Variants in KIAA0825 observed in about 807,000 individuals in gnomAD.
KIAA0825 encodes the protein KIAA0825.
In KIAA0825, 119 loss-of-function variants were observed where a neutral mutation model predicts 147.6. That is an observed-to-expected ratio of 0.81 (90% CI 0.69 to 0.94). The LOEUF is 0.94. Among genes scored for constraint, KIAA0825 ranks in the 40% least tolerant of loss-of-function variants. KIAA0825 has a pLI of 0.00. For synonymous variants in KIAA0825, 470 were observed against 518.1 expected (o/e 0.91, Z 1.26); for missense variants, 1,381 against 1,472.7 (o/e 0.94, Z 1.02).
intron 1 of KIAA0825, among the ~76,000 whole-genome samples, chr5:94,588,103 C>T (rs1166661320): frequency 2.6e-5 from 4 of 151,902 alleles, no homozygotes; most frequent in African/African-American, 7.2e-5. Flanking sequence ...GAAGAAAGCC[C>T]GGCAATACCA....
chr5:94,382,055 G>A (rs1000272007), intron 20 of KIAA0825, among the ~76,000 whole-genome samples: 8 of 152,028 alleles, frequency 5.3e-5, no homozygotes, highest in Non-Finnish European at 1.2e-4. Flanking sequence ...ATGTAGTATA[G>A]AGATAGACTA....
chr5:94,576,637 T>C (rs928005796), intron 2 of KIAA0825, among the ~76,000 whole-genome samples: 6 of 152,202 alleles, frequency 3.9e-5, no homozygotes, highest in Non-Finnish European at 4.4e-5. Flanking sequence ...ATTCCTTTTC[T>C]TTATAAATTG....
chr5:94,224,077 C>CTTTTTTTTTTT (rs1773920941), intron 20 of KIAA0825, among the ~76,000 whole-genome samples: 1 of 69,686 alleles, frequency 1.4e-5, no homozygotes, highest in African/African-American at 5.0e-5. Flanking sequence ...CTTTCTTTTT[C>CTTTTTTTTTTT]TTTTCTTTTT....
intron 20 of KIAA0825, among the ~76,000 whole-genome samples, chr5:94,283,852 G>C (rs763909296): frequency 6.6e-6 from 1 of 152,004 alleles, no homozygotes; most frequent in Non-Finnish European, 1.5e-5. Flanking sequence ...ACCTAAACGC[G>C]ATTACTGAAT....
intron 20 of KIAA0825, among the ~76,000 whole-genome samples, chr5:94,335,785 C>G (rs928402259): frequency 6.6e-6 from 1 of 152,140 alleles, no homozygotes; most frequent in South Asian, 2.1e-4. Flanking sequence ...GAATATCCAC[C>G]TCAGTTTTAG....
intron 20 of KIAA0825, among the ~76,000 whole-genome samples, chr5:94,183,896 T>G (rs2149983509): frequency 6.6e-6 from 1 of 152,316 alleles, no homozygotes; most frequent in Admixed American, 6.5e-5. Flanking sequence ...TTCCCTGAGT[T>G]TTATGAGCCA....
chr5:94,610,672 G>A (rs1238384075), intron 1 of KIAA0825, among the ~76,000 whole-genome samples: 1 of 144,754 alleles, frequency 6.9e-6, no homozygotes, highest in Non-Finnish European at 1.5e-5. Flanking sequence ...GCTGAGACAG[G>A]AGAATTGCTT....
At chr5:94,454,170 A>T (rs1480503791) in intron 12 of KIAA0825, among the ~76,000 whole-genome samples, 1 of 152,228 alleles carries the variant, frequency 6.6e-6, no homozygotes, top group African/African-American at 2.4e-5. Context: ...CTAGTAACAA[A>T]TGTATAACAA....
In KIAA0825 at chr5:94,151,811, ATGT is replaced by A. The variant is rs1479485472; in HGVS notation, c.*2193_*2195del. ...ATGTGAAATCCTGTAATTTTATAAG[ATGT>A]TGTATCTAGTTTATTGGATTAATTT... On this transcript the variant is annotated 3_prime_UTR_variant, in exon 21 of 21. Transcript: ENST00000682413. Among the ~76,000 whole-genome samples the A allele has an allele frequency of 1.3e-5, 2 of 152,196 alleles. No individual in the cohort carries two copies. Among genetic ancestry groups the A allele is most frequent in the Non-Finnish European group, 2.9e-5 (2 of 68,020 alleles).
rs1756882683 is a variant in KIAA0825 at position 94,440,076 on chromosome 5, C to A, written c.2403G>T (p.Leu801=). The A allele has an allele frequency of 6.4e-7, 1 of 1,551,394 alleles. No individual in the cohort carries two copies. The highest frequency in any genetic ancestry group is 2.0e-5 in the Admixed American group (1 of 50,976). ...GGLKAEGQLK[L]LLSQPRCNWN... Reference sequence around the variant, plus strand: ...AGTTACAACGTGGCTGGGATAAGAGCAGTTTCAACTGACCCTCGGCTTTCA... The same window carrying A: ...AGTTACAACGTGGCTGGGATAAGAGAAGTTTCAACTGACCCTCGGCTTTCA... The change falls in exon 14 of 21, where the codon CTG becomes CTT. Residue 801 remains leucine, a synonymous_variant. Coordinates refer to ENST00000682413, the MANE Select transcript of KIAA0825 (RefSeq NM_001145678.3).
At chr5:94,373,636 C>A (rs1209358991) in intron 20 of KIAA0825, among the ~76,000 whole-genome samples, 1 of 152,004 alleles carries the variant, frequency 6.6e-6, no homozygotes, top group Non-Finnish European at 1.5e-5. Flanking sequence ...ATGAGAATAG[C>A]ATGGGGGAAA....
chr5:94,319,820 T>G (rs1779994958), intron 20 of KIAA0825, among the ~76,000 whole-genome samples: 1 of 151,916 alleles, frequency 6.6e-6, no homozygotes, highest in Admixed American at 6.6e-5. Flanking sequence ...TAAGTCAGAT[T>G]GCATTCCTTC....
chr5:94,483,473 T>C (rs899916543), intron 6 of KIAA0825, among the ~76,000 whole-genome samples: 3 of 151,930 alleles, frequency 2.0e-5, no homozygotes, highest in African/African-American at 7.2e-5. Context: ...TAGGATATCA[T>C]ACTTCTCTAT....
chr5:94,408,612 A>T (rs1420003729), intron 15 of KIAA0825, among the ~76,000 whole-genome samples: 1 of 152,018 alleles, frequency 6.6e-6, no homozygotes, highest in Non-Finnish European at 1.5e-5. Flanking sequence ...ACCTCAGGTG[A>T]TCTGCCCACC....
Position 94,273,174 on chromosome 5 carries a change from A to T in KIAA0825, c.3710+111194T>A, listed in dbSNP as rs919743971. ...TCTGTAAAATGAAGATAATAGCAGT[A>T]CTTATCTCATAAATTTGTTGCAAGT... On this transcript the variant is annotated intron_variant, in intron 20 of 20. Coordinates refer to ENST00000682413, the MANE Select transcript of KIAA0825 (RefSeq NM_001145678.3). Among the ~76,000 whole-genome samples, 7 of 152,296 alleles carry T rather than the reference A, an allele frequency of 4.6e-5. No homozygotes were observed. The East Asian group carries it at 1.3e-3, about 29-fold the overall frequency.
At chr5:94,239,066 T>C (rs552814771) in intron 20 of KIAA0825, among the ~76,000 whole-genome samples, 3 of 152,326 alleles carry the variant, frequency 2.0e-5, no homozygotes, top group Admixed American at 1.3e-4. Flanking sequence ...AGTTGTTCTT[T>C]AGTTTTTCTG....
rs77357740 is a variant in KIAA0825, at chr5:94,484,863, C to T, written c.1038G>A (p.Ser346=). The change falls in exon 6 of 21, where the codon TCG becomes TCA. Residue 346 remains serine (S), a synonymous_variant. Transcript: ENST00000682413. ...SLPLDKVEFL[S]QLIKSFMKLE... is the part of the protein sequence containing the mutation. ...GTTTCATAAAGGATTTTATGAGCTGCGATAAGAATTCGACTTTGTCTAAAG... is the reference window on the plus strand; with the variant it reads ...GTTTCATAAAGGATTTTATGAGCTGTGATAAGAATTCGACTTTGTCTAAAG... 3,914 of 1,535,254 alleles carry T rather than the reference C, an allele frequency of 2.5e-3. 30 individuals carry two copies. In the Middle Eastern group the frequency reaches 0.026, roughly 10 times the overall value.
intron 2 of KIAA0825, among the ~76,000 whole-genome samples, chr5:94,537,404 CA>C (rs1308636939): frequency 6.6e-6 from 1 of 152,128 alleles, no homozygotes; most frequent in Non-Finnish European, 1.5e-5. Context: ...GTATTCCCAG[CA>C]CTTTGGGAGG....
chr5:94,589,547 TA>T lies in KIAA0825; in HGVS notation c.-152-6965del, dbSNP rs528841791. Among the ~76,000 whole-genome samples, 481 of 152,362 alleles carry T rather than the reference TA, an allele frequency of 3.2e-3. 3 individuals are homozygous for T. Among genetic ancestry groups the T allele is most frequent in the African/African-American group, 0.011 (447 of 41,590 alleles). On this transcript the variant is annotated intron_variant, in intron 1 of 20. Coordinates refer to ENST00000682413, the MANE Select transcript of KIAA0825 (RefSeq NM_001145678.3). ...TTTTCCAAATCATGTGTATTGTATA[TA>T]ATTTCACTTATTGAGGTCTTAATAT...
Sources: allele counts gnomAD v4.1 joint callset (sites outside exome capture counted in the v4.1 genomes callset), GRCh38; gene constraint gnomAD v4.1.1; transcripts MANE v1.5; gene names NCBI Gene and HGNC (gene_info 2026-07-23, HGNC 2026-07-21).